The following ANO3 variants were observed in gnomAD, a reference collection of about 807,000 sequenced individuals.
ANO3 encodes the protein anoctamin 3.
Under a neutral mutation model 144.8 loss-of-function variants are expected in ANO3, and 99 were observed. The observed-to-expected ratio is 0.68, with a 90% CI of 0.58 to 0.81. ANO3 has a LOEUF of 0.81. Among genes scored for constraint, ANO3 ranks in the 30% least tolerant of loss-of-function variants. The pLI is 0.00. For synonymous variants in ANO3, 414 were observed against 392.6 expected, an observed-to-expected ratio of 1.05 and a Z score of -0.64; for missense variants, 905 against 1,202.2, an observed-to-expected ratio of 0.75 and a Z score of 3.66.
chr11:26,266,455 A>G (rs1389266895), intron 1 of ANO3, among the ~76,000 whole-genome samples: 1 of 142,264 alleles, frequency 7.0e-6, no homozygotes, highest in Non-Finnish European at 1.5e-5. Context: ...TTTTTTTGAG[A>G]CAGAGTCTCA....
chr11:26,565,875 A>G lies in ANO3; in HGVS notation c.1447+6096A>G, dbSNP rs1554971131. Reference sequence around the variant, plus strand: ...GGCCAACATTGTAGGCTTCTTTGGTATTGGTTTTTTTTTAAAGGAATCTGA... The same window carrying G: ...GGCCAACATTGTAGGCTTCTTTGGTGTTGGTTTTTTTTTAAAGGAATCTGA... On this transcript the variant is annotated intron_variant, in intron 14 of 26. Transcript: ENST00000256737. 1.1e-5 allele frequency: 17 copies of G among 1,579,750 alleles called. No individual in the cohort carries two copies. Among genetic ancestry groups the G allele is most frequent in the Admixed American group, 6.1e-5 (3 of 49,252 alleles).
intron 1 of ANO3, among the ~76,000 whole-genome samples, chr11:26,344,211 T>C (rs1855439425): frequency 6.6e-6 from 1 of 152,168 alleles, no homozygotes; most frequent in Admixed American, 6.6e-5. Flanking sequence ...AAGAATTGTA[T>C]TAAAATAGAG....
At chr11:26,417,010 G>A (rs999362939) in intron 1 of ANO3, among the ~76,000 whole-genome samples, 1 of 151,998 alleles carries the variant, frequency 6.6e-6, no homozygotes, top group African/African-American at 2.4e-5. Flanking sequence ...TAGCAAAGAG[G>A]CAAGACCAAG....
intron 14 of ANO3, among the ~76,000 whole-genome samples, chr11:26,561,689 G>A (rs549781792): frequency 6.6e-6 from 1 of 152,004 alleles, no homozygotes. Context: ...TAAGGTGGAG[G>A]AGATAAAAAA....
chr11:26,449,038 C>T (rs1395846726), intron 3 of ANO3, among the ~76,000 whole-genome samples: 2 of 152,178 alleles, frequency 1.3e-5, no homozygotes, highest in African/African-American at 2.4e-5. Context: ...TTTCCCATTA[C>T]ATTTAAAACA....
chr11:26,460,333 T>G (rs1859341791), intron 3 of ANO3, among the ~76,000 whole-genome samples: 2 of 149,402 alleles, frequency 1.3e-5, no homozygotes, highest in African/African-American at 5.0e-5. Flanking sequence ...AAATTGCATG[T>G]CATAGAGGTT....
At chr11:26,526,397 G>A (rs1254496360) in intron 7 of ANO3, among the ~76,000 whole-genome samples, 2 of 152,060 alleles carry the variant, frequency 1.3e-5, no homozygotes, top group African/African-American at 4.8e-5. Context: ...ACCCTTGGCC[G>A]TTTTCTGCAC....
intron 21 of ANO3, 144 bp from the exon 22 acceptor site, chr11:26,641,752 A>T (rs1468198681): frequency 2.4e-5 from 22 of 922,150 alleles, no homozygotes; most frequent in Non-Finnish European, 1.2e-5. Context: ...TAACTTTTTT[A>T]AAAAACTTTT....
intron 10 of ANO3, 29 bp from the exon 11 acceptor site, chr11:26,541,918 C>T: frequency 6.3e-7 from 1 of 1,586,596 alleles, no homozygotes; most frequent in Non-Finnish European, 8.6e-7. Flanking sequence ...AAAAATAGAA[C>T]CAAATGTATC....
chr11:26,614,798 T>C (rs1852202421), intron 17 of ANO3, among the ~76,000 whole-genome samples: 1 of 151,926 alleles, frequency 6.6e-6, no homozygotes, highest in Non-Finnish European at 1.5e-5. Flanking sequence ...GGTGTCTTCC[T>C]CTCTCTCTCT....
chr11:26,336,145 A>G (rs954010444), intron 1 of ANO3, among the ~76,000 whole-genome samples: 3 of 152,174 alleles, frequency 2.0e-5, no homozygotes, highest in African/African-American at 7.2e-5. Flanking sequence ...GGAAAGTCCA[A>G]CTTTCTTCCT....
intron 1 of ANO3, among the ~76,000 whole-genome samples, chr11:26,216,173 G>C (rs898449568): frequency 6.6e-6 from 1 of 151,864 alleles, no homozygotes; most frequent in Non-Finnish European, 1.5e-5. Context: ...TAATTTTTTA[G>C]AATTTGCATA....
At chr11:26,329,862 G>A (rs1327904941), upstream of ANO3, among the ~76,000 whole-genome samples, 1 of 150,834 alleles carries the variant, frequency 6.6e-6, no homozygotes, top group Non-Finnish European at 1.5e-5. Context: ...TCCCAGGCTG[G>A]AGTGCGGTGG....
At chr11:26,516,333 A>G (rs899470847) in intron 5 of ANO3, among the ~76,000 whole-genome samples, 1 of 151,588 alleles carries the variant, frequency 6.6e-6, no homozygotes, top group Non-Finnish European at 1.5e-5. Flanking sequence ...GACTTTTACA[A>G]TTTATACCCA....
chr11:26,619,527 G>A (rs1050227406), intron 17 of ANO3, among the ~76,000 whole-genome samples: 27 of 152,096 alleles, frequency 1.8e-4, no homozygotes, highest in African/African-American at 6.5e-4. Flanking sequence ...AGGCTGGAGT[G>A]CAGTGGCAGG....
intron 3 of ANO3, among the ~76,000 whole-genome samples, chr11:26,448,355 G>A (rs1286532357): frequency 6.6e-6 from 1 of 150,462 alleles, no homozygotes; most frequent in Non-Finnish European, 1.5e-5. Flanking sequence ...AGCATAATTT[G>A]AGTCCAACCA....
intron 1 of ANO3, among the ~76,000 whole-genome samples, chr11:26,408,907 T>C (rs1280357301): frequency 6.7e-6 from 1 of 150,270 alleles, no homozygotes; most frequent in Non-Finnish European, 1.5e-5. Flanking sequence ...TTCTCACTCA[T>C]AGGTGGGAAT....
chr11:26,529,690 C>T (rs932172027), intron 7 of ANO3, among the ~76,000 whole-genome samples: 34 of 150,722 alleles, frequency 2.3e-4, no homozygotes, highest in African/African-American at 8.3e-4. Context: ...GATAGAAACC[C>T]ATAGTGTGTA....
chr11:26,437,427 C>A (rs1394937100), intron 1 of ANO3, among the ~76,000 whole-genome samples: 2 of 152,216 alleles, frequency 1.3e-5, no homozygotes, highest in Non-Finnish European at 2.9e-5. Context: ...CACACATTCA[C>A]TCACTGCTTC....
Sources: gnomAD v4.1 joint callset for allele counts (sites outside exome capture counted in the v4.1 genomes callset) on GRCh38, gnomAD v4.1.1 for gene constraint, MANE v1.5 for transcripts, NCBI Gene and HGNC (gene_info 2026-07-23, HGNC 2026-07-21) for gene names.